Variants in TNFAIP3 observed in about 807,000 individuals in gnomAD.
TNFAIP3 encodes TNF alpha induced protein 3.
TNFAIP3 carries 9 observed loss-of-function variants against 72.4 expected under a neutral mutation model. That is an observed-to-expected ratio of 0.12 (90% confidence interval 0.07 to 0.22). TNFAIP3 has a LOEUF of 0.22. Among genes scored for constraint, TNFAIP3 ranks in the 10% least tolerant of loss-of-function variants. The pLI is 1.00. For synonymous variants in TNFAIP3, 339 were observed against 372.6 expected, an observed-to-expected ratio of 0.91 and a Z score of 1.04; for missense variants, 833 against 1,018.7, an observed-to-expected ratio of 0.82 and a Z score of 2.48.
At chr6:137,879,786 T>C (rs1776386643) in intron 7 of TNFAIP3, among the ~76,000 whole-genome samples, 2 of 152,228 alleles carry the variant, frequency 1.3e-5, no homozygotes, top group African/African-American at 4.8e-5. Context: ...AAATCTCTCA[T>C]TGGAAAGAAG....
rs1776343024 is a variant in TNFAIP3, at chr6:137,878,919, A to C, written c.1474A>C (p.Asn492His). ...CCCCTTCACACTGAATGTGCAGCAC[A>C]ACGGATTTTGTGAACGTTGCCACAA... ...GCPFTLNVQH[N>H]GFCERCHNAR... Residue 492 changes from asparagine (N) to histidine (H), a missense_variant, in exon 7 of 9, where the codon AAC (asparagine) becomes CAC (histidine). Asn to His is a moderately conservative substitution (Grantham distance 68, BLOSUM62 1). Transcript: ENST00000612899. 2 of 1,614,160 alleles carry C rather than the reference A, an allele frequency of 1.2e-6. No individual in the cohort carries two copies. The highest frequency in any genetic ancestry group is 1.6e-4 in the Middle Eastern group (1 of 6,062).
At chr6:137,878,268 C>A (rs914301388) in intron 6 of TNFAIP3, among the ~76,000 whole-genome samples, 164 bp from the exon 7 acceptor site, 3 of 152,176 alleles carry the variant, frequency 2.0e-5, no homozygotes, top group African/African-American at 7.2e-5. Flanking sequence ...GATCATGTTG[C>A]GTGAAAAGTG....
Position 137,880,065 on chromosome 6 carries a change from A to T in TNFAIP3, c.1907-6A>T. 6.2e-7 allele frequency: 1 copy of T among 1,613,748 alleles called. No individual in the cohort carries two copies. The highest frequency in any genetic ancestry group is 1.3e-5 in the African/African-American group (1 of 74,986). On this transcript the variant is annotated splice_region_variant and splice_polypyrimidine_tract_variant and intron_variant, in intron 7 of 8. Coordinates refer to ENST00000612899, the MANE Select transcript of TNFAIP3 (RefSeq NM_001270508.2). ...GTGGTACTAACTAGCATCCATTCTC[A>T]TGTAGATTTTGCTGCTGCCTCAGGG...
In TNFAIP3 at chr6:137,881,622, C is replaced by T. The variant is rs1314230540; in HGVS notation, c.*303C>T. ...AACTTCTTTGGACTTGGAAGGTGTG[C>T]GGGGACTGGCCGAGGCCCCTGCACC... On this transcript the variant is annotated 3_prime_UTR_variant, in exon 9 of 9. Coordinates refer to ENST00000612899, the MANE Select transcript of TNFAIP3 (RefSeq NM_001270508.2). This position sits in a 1 kb window ranked among gnomAD's most constrained non-coding sequence, Gnocchi z 5.0. 8.6e-6 allele frequency: 3 copies of T among 348,936 alleles called. No individual in the cohort carries two copies. Among genetic ancestry groups the T allele is most frequent in the East Asian group, 4.4e-5 (1 of 22,754 alleles). The allele number at this position is 348,936 out of a possible 1,614,324, so 21.6% of individuals were successfully genotyped here. A position where few individuals can be genotyped will look rare whatever the true frequency, so the allele number is the denominator to read the frequency against.
chr6:137,878,654 A>T lies in TNFAIP3; in HGVS notation c.1209A>T (p.Leu403Phe), dbSNP rs2114498140. ...TCATGTCTGTGAACACCCAGCCTTTATGCCATGAGTGCTCAGAGAGGCGGC... is the reference window on the plus strand; with the variant it reads ...TCATGTCTGTGAACACCCAGCCTTTTTGCCATGAGTGCTCAGAGAGGCGGC... ...PFFMSVNTQP[L>F]CHECSERRQK... The change falls in exon 7 of 9, where the codon TTA becomes TTT. Residue 403 changes from leucine to phenylalanine, a missense_variant. Leu to Phe is a conservative substitution (Grantham distance 22). Coordinates refer to ENST00000612899, the MANE Select transcript of TNFAIP3 (RefSeq NM_001270508.2). 1 of 1,614,186 alleles carries T rather than the reference A, an allele frequency of 6.2e-7. No homozygotes were observed. The highest frequency in any genetic ancestry group is 2.2e-5 in the East Asian group (1 of 44,886).
chr6:137,880,957 A>T, intron 8 of TNFAIP3, 78 bp from the exon 9 acceptor site: 1 of 1,476,596 alleles, frequency 6.8e-7, no homozygotes, highest in Non-Finnish European at 9.2e-7. Context: ...CTCCAATGAG[A>T]TTTCATTGTG....
Position 137,878,794 on chromosome 6 carries a change from C to T in TNFAIP3, c.1349C>T (p.Pro450Leu), listed in dbSNP as rs763387455. The T allele has an allele frequency of 6.2e-7, 1 of 1,614,132 alleles. No individual in the cohort carries two copies. The highest frequency in any genetic ancestry group is 1.7e-5 in the Admixed American group (1 of 60,030). Residue 450 changes from proline (P) to leucine (L), a missense_variant, in exon 7 of 9, where the codon CCT (proline) becomes CTT (leucine). Transcript: ENST00000612899. ...GCCTATGAGCCCTTGGCGTGGAACC[C>T]TGAGGAGTCCACTGGGGGGCCTCAT... ...GEAYEPLAWN[P>L]EESTGGPHSA...
rs1178250150 is a variant in TNFAIP3 at position 137,871,263 on chromosome 6, G to C, written c.36G>C (p.Leu12Phe). Residue 12 changes from leucine to phenylalanine, a missense_variant, in exon 2 of 9, where the codon TTG becomes TTC. By Grantham distance (22) the Leu-to-Phe change is conservative. Transcript: ENST00000612899. The surrounding 1 kb of genome is among the most constrained non-coding windows in gnomAD (Gnocchi z 4.2). Reference protein sequence around the residue: ...AEQVLPQALYLSNMRKAVKIR... With the variant: ...AEQVLPQALYFSNMRKAVKIR... ...AAGTCCTTCCTCAGGCTTTGTATTT[G>C]AGCAATATGCGGAAAGCTGTGAAGA... 3 of 1,613,190 alleles carry C rather than the reference G, an allele frequency of 1.9e-6. No homozygotes were observed. Among genetic ancestry groups the C allele is most frequent in the Admixed American group, 3.3e-5 (2 of 59,906 alleles).
Position 137,871,845 on chromosome 6 carries a change from C to A in TNFAIP3, c.295+323C>A, listed in dbSNP as rs1776074756. ...CTAATCATCTGTAAAATACCCTTCT[C>A]TGGCCCGTAATGGAAATGTTAAAAG... On this transcript the variant is annotated intron_variant, in intron 2 of 8. Transcript: ENST00000612899. This position sits in a 1 kb window ranked among gnomAD's most constrained non-coding sequence, Gnocchi z 4.2. Among the ~76,000 whole-genome samples, 1 of 152,188 alleles carries A rather than the reference C, an allele frequency of 6.6e-6. No individual in the cohort carries two copies. The highest frequency in any genetic ancestry group is 2.4e-5 in the African/African-American group (1 of 41,446).
At chr6:137,880,001 C>G in intron 7 of TNFAIP3, 70 bp from the exon 8 acceptor site, 2 of 1,400,420 alleles carry the variant, frequency 1.4e-6, no homozygotes, top group Non-Finnish European at 2.0e-6. Flanking sequence ...ATTTATTTCT[C>G]TACTGTCAGC....
rs778784894 is a variant in TNFAIP3 at position 137,881,190 on chromosome 6, C to A, written c.2244C>A (p.His748Gln). Reference protein sequence around the residue: ...HPNQRMGPGAHRGEPAPEDPP... With the variant: ...HPNQRMGPGAQRGEPAPEDPP... ...ACCAGAGGATGGGCCCTGGGGCCCA[C>A]CGGGGTGAGCCTGCCCCCGAAGACC... The change falls in exon 9 of 9, where the codon CAC becomes CAA. Residue 748 changes from histidine to glutamine, a missense_variant. Physicochemically the swap from His to Gln is conservative, Grantham distance 24. Coordinates refer to ENST00000612899, the MANE Select transcript of TNFAIP3 (RefSeq NM_001270508.2). The surrounding 1 kb of genome is among the most constrained non-coding windows in gnomAD (Gnocchi z 5.0). The A allele has an allele frequency of 7.4e-6, 12 of 1,613,454 alleles. No homozygotes were observed. In the Admixed American group the frequency reaches 2.0e-4, roughly 27 times the overall value.
rs2114501937 is a variant in TNFAIP3 at position 137,878,966 on chromosome 6, C to T, written c.1521C>T (p.Ser507=). 1 of 1,614,212 alleles carries T rather than the reference C, an allele frequency of 6.2e-7. No homozygotes were observed. Among genetic ancestry groups the T allele is most frequent in the Non-Finnish European group, 8.5e-7 (1 of 1,180,046 alleles). Residue 507 remains serine (S), a synonymous_variant, in exon 7 of 9, where the codon AGC becomes AGT. Transcript: ENST00000612899. ...RCHNARQLHA[S]HAPDHTRHLD... ...ACAACGCCCGGCAACTTCACGCCAG[C>T]CACGCCCCAGACCACACAAGGCACT...
At chr6:137,875,571 G>C in intron 3 of TNFAIP3, 117 bp from the exon 4 acceptor site, 1 of 1,272,468 alleles carries the variant, frequency 7.9e-7, no homozygotes, top group South Asian at 1.6e-5. Flanking sequence ...TTTCATGAAA[G>C]GGGAAAAAAT....
Position 137,871,534 on chromosome 6 carries a change from T to G in TNFAIP3, c.295+12T>G. 6.2e-7 allele frequency: 1 copy of G among 1,610,782 alleles called. No homozygotes were observed. Among genetic ancestry groups the G allele is most frequent in the African/African-American group, 1.3e-5 (1 of 74,826 alleles). On this transcript the variant is annotated intron_variant, in intron 2 of 8. Coordinates refer to ENST00000612899, the MANE Select transcript of TNFAIP3 (RefSeq NM_001270508.2). This position sits in a 1 kb window ranked among gnomAD's most constrained non-coding sequence, Gnocchi z 4.2. ...GCTGAAAACGAACGGTAAGACTTGT[T>G]CTGTTGTGTTTCTTTTGCCTGGGTG...
chr6:137,880,896 C>T, intron 8 of TNFAIP3, 139 bp from the exon 9 acceptor site: 1 of 863,782 alleles, frequency 1.2e-6, no homozygotes. Context: ...GACTGCAATG[C>T]TCTCCTGTTC....
At position 137,880,099 on chromosome 6, in the gene TNFAIP3, T is replaced by C. The variant is rs761209159; in HGVS notation, c.1935T>C (p.Ser645=). Residue 645 remains serine, a synonymous_variant, in exon 8 of 9, where the codon AGT becomes AGC. Coordinates refer to ENST00000612899, the MANE Select transcript of TNFAIP3 (RefSeq NM_001270508.2). ...TTGCTGCTGCCTCAGGGAAAGTCAG[T>C]CCCACAGCGTCCAGGTTCCAGAACA... ...KHFAAASGKV[S]PTASRFQNTI... 7 of 1,614,150 alleles carry C rather than the reference T, an allele frequency of 4.3e-6. No homozygotes were observed. In the Admixed American group the frequency reaches 1.2e-4, roughly 27 times the overall value.
At chr6:137,873,954 A>T (rs1468828431) in intron 2 of TNFAIP3, among the ~76,000 whole-genome samples, 1 of 152,218 alleles carries the variant, frequency 6.6e-6, no homozygotes, top group Admixed American at 6.5e-5. Flanking sequence ...TTGCCAAAGG[A>T]GATTAAGGAG....
chr6:137,880,325 A>C, intron 8 of TNFAIP3, 73 bp downstream of exon 8: 5 of 1,504,988 alleles, frequency 3.3e-6, no homozygotes, highest in Non-Finnish European at 4.6e-6. Context: ...TTCTACCGAC[A>C]GTGACAAGCA....
At chr6:137,870,892 T>C (rs1472449339) in intron 1 of TNFAIP3, among the ~76,000 whole-genome samples, 1 of 152,218 alleles carries the variant, frequency 6.6e-6, no homozygotes, top group Non-Finnish European at 1.5e-5. Context: ...TGAGGAGCAG[T>C]ACCTGTTGCT....
Sources: allele counts gnomAD v4.1 joint callset (sites outside exome capture counted in the v4.1 genomes callset), GRCh38; gene constraint gnomAD v4.1.1; non-coding constraint Gnocchi (gnomAD v3.1); transcripts MANE v1.5; gene names NCBI Gene and HGNC (gene_info 2026-07-23, HGNC 2026-07-21).